SLC7A14: variants seen among roughly 807,000 people sequenced by gnomAD.
The protein encoded by SLC7A14 is gamma-aminobutyric acid transporter SLC7A14.
SLC7A14 carries 37 observed loss-of-function variants against 60.2 expected under a neutral mutation model. That is an observed-to-expected ratio of 0.61 (90% CI 0.47 to 0.81). The LOEUF (loss-of-function observed/expected upper bound fraction) is 0.81. Ranked by LOEUF, SLC7A14 falls within the 30% of genes least tolerant of loss-of-function variation. SLC7A14 has a pLI of 0.00. For synonymous variants in SLC7A14, 399 were observed against 395.8 expected, an observed-to-expected ratio of 1.01 and a Z score of -0.10; for missense variants, 886 against 982.7, an observed-to-expected ratio of 0.90 and a Z score of 1.32.
intron 1 of SLC7A14, among the ~76,000 whole-genome samples, chr3:170,547,816 C>T (rs1714225966): frequency 6.6e-6 from 1 of 152,168 alleles, no homozygotes; most frequent in South Asian, 2.1e-4. Flanking sequence ...TAAAGAGCTG[C>T]AGGATTGTTC....
intron 1 of SLC7A14, among the ~76,000 whole-genome samples, chr3:170,571,137 C>T (rs766959450): frequency 5.3e-5 from 8 of 152,202 alleles, no homozygotes; most frequent in Non-Finnish European, 1.2e-4. Context: ...TTCAAAACCC[C>T]CATTCTGCTT....
rs765316559 is a variant in SLC7A14, at chr3:170,498,855, G to A, written c.571C>T (p.Leu191=). The A allele has an allele frequency of 6.2e-7, 1 of 1,614,188 alleles. No individual in the cohort carries two copies. Among genetic ancestry groups the A allele is most frequent in the Admixed American group, 1.7e-5 (1 of 60,026 alleles). The change falls in exon 4 of 8, where the codon CTG becomes TTG. Residue 191 remains leucine (L), a synonymous_variant. Transcript: ENST00000231706. The part of the protein sequence containing the change: ...GKGEESYPDL[L]ALLIAVIVTI... ...ACGATGACCGCGATCAACAGAGCCA[G>A]AAGGTCTGGGTATGATTCTTCACCT...
At chr3:170,497,940 A>T (rs2108278598) in intron 4 of SLC7A14, among the ~76,000 whole-genome samples, 1 of 152,342 alleles carries the variant, frequency 6.6e-6, no homozygotes, top group Non-Finnish European at 1.5e-5. Flanking sequence ...GCCTGTTATG[A>T]ACTATGCCTT....
chr3:170,577,420 C>A (rs574095188), intron 1 of SLC7A14, among the ~76,000 whole-genome samples: 1 of 151,668 alleles, frequency 6.6e-6, no homozygotes, highest in African/African-American at 2.4e-5. Context: ...AGATCGAGAC[C>A]ATCCTGGCTA....
At chr3:170,572,078 A>AAAAAAG (rs1553875362) in intron 1 of SLC7A14, among the ~76,000 whole-genome samples, 2 of 149,936 alleles carry the variant, frequency 1.3e-5, no homozygotes, top group African/African-American at 5.0e-5. Context: ...AAAAAAAAAA[A>AAAAAAG]AAAGAAAGAA....
chr3:170,517,191 A>G (rs1432631359), intron 2 of SLC7A14, among the ~76,000 whole-genome samples: 1 of 152,260 alleles, frequency 6.6e-6, no homozygotes, highest in African/African-American at 2.4e-5. Flanking sequence ...AACATTTATC[A>G]TGTGCTTGCT....
intron 1 of SLC7A14, among the ~76,000 whole-genome samples, chr3:170,561,957 G>T: frequency 6.6e-6 from 1 of 152,128 alleles, no homozygotes; most frequent in Admixed American, 6.5e-5. Flanking sequence ...TCTCACTCCT[G>T]CAAGAATGGC....
intron 5 of SLC7A14, among the ~76,000 whole-genome samples, chr3:170,484,870 T>C (rs1054422576): frequency 1.5e-4 from 23 of 152,164 alleles, no homozygotes; most frequent in African/African-American, 5.3e-4. Flanking sequence ...GAGAGTGGGA[T>C]TGAGCCTCCT....
Position 170,467,279 on chromosome 3 carries a change from C to G in SLC7A14, c.2092G>C (p.Val698Leu). The change falls in exon 8 of 8, where the codon GTG becomes CTG. Residue 698 changes from valine to leucine, a missense_variant. Val to Leu is a conservative substitution (Grantham distance 32). Transcript: ENST00000231706. ...TCCTCCACTGAGAAGGGGTCATCCA[C>G]GTCGTAGCGTTGGTACGTGCTTTGG... ...LHQSTYQRYDVDDPFSVEEGF... is the reference protein window; with the variant it reads ...LHQSTYQRYDLDDPFSVEEGF... 1 of 1,614,254 alleles carries G rather than the reference C, an allele frequency of 6.2e-7. No individual in the cohort carries two copies. Among genetic ancestry groups the G allele is most frequent in the South Asian group, 1.1e-5 (1 of 91,084 alleles).
At chr3:170,473,220 A>C (rs541850298) in intron 7 of SLC7A14, among the ~76,000 whole-genome samples, 4 of 152,196 alleles carry the variant, frequency 2.6e-5, no homozygotes, top group Non-Finnish European at 5.9e-5. Context: ...AAAATTAAGC[A>C]AATGACCCCA....
intron 1 of SLC7A14, among the ~76,000 whole-genome samples, chr3:170,564,339 G>T: frequency 6.6e-6 from 1 of 152,202 alleles, no homozygotes; most frequent in South Asian, 2.1e-4. Flanking sequence ...TCCCTTGCTC[G>T]CTGAGGAGGC....
At chr3:170,499,943 T>C (rs759512522) in intron 3 of SLC7A14, among the ~76,000 whole-genome samples, 9 of 152,326 alleles carry the variant, frequency 5.9e-5, no homozygotes, top group Admixed American at 5.9e-4. Context: ...ATGCAATCAG[T>C]ACACAGAACA....
chr3:170,517,512 G>T (rs1227179346), intron 2 of SLC7A14, among the ~76,000 whole-genome samples: 1 of 152,188 alleles, frequency 6.6e-6, no homozygotes, highest in Non-Finnish European at 1.5e-5. Context: ...ACCTCTCAAG[G>T]CTGTCTTCAA....
Position 170,511,535 on chromosome 3 carries a change from C to A in SLC7A14, c.305-10190G>T, listed in dbSNP as rs191985554. Among the ~76,000 whole-genome samples, 3 of 152,156 alleles carry A rather than the reference C, an allele frequency of 2.0e-5. No homozygotes were observed. In the South Asian group the frequency reaches 6.2e-4, roughly 32 times the overall value. The stretch of plus-strand genomic sequence containing the variant: ...TACTATGCAGGTTGTTATGAGTCAT[C>A]GAAGGACAGGTGTTACAGTTCCTGA... On this transcript the variant is annotated intron_variant, in intron 2 of 7. Coordinates refer to ENST00000231706, the MANE Select transcript of SLC7A14 (RefSeq NM_020949.3).
At chr3:170,521,800 A>G (rs1002110210) in intron 2 of SLC7A14, among the ~76,000 whole-genome samples, 1 of 152,172 alleles carries the variant, frequency 6.6e-6, no homozygotes, top group Non-Finnish European at 1.5e-5. Context: ...ATGCACCTGT[A>G]GTCCCAGCTA....
intron 1 of SLC7A14, among the ~76,000 whole-genome samples, chr3:170,576,815 T>TCTCCTC (rs1715104442): frequency 6.6e-6 from 1 of 152,124 alleles, no homozygotes; most frequent in East Asian, 1.9e-4. Flanking sequence ...CCACCAAAAG[T>TCTCCTC]CAGTAGTAAC....
rs1268940657 is a variant in SLC7A14 at position 170,464,565 on chromosome 3, A to T, written c.*2490T>A. The T allele has an allele frequency of 4.6e-5, 7 of 151,526 alleles. No individual in the cohort carries two copies. Among genetic ancestry groups the T allele is most frequent in the Non-Finnish European group, 1.0e-4 (7 of 67,944 alleles). The allele number at this position is 151,526 out of a possible 1,614,324, so 9.4% of individuals were successfully genotyped here. A position where few individuals can be genotyped will look rare whatever the true frequency, so the allele number is the denominator to read the frequency against. On this transcript the variant is annotated 3_prime_UTR_variant, in exon 8 of 8. Coordinates refer to ENST00000231706, the MANE Select transcript of SLC7A14 (RefSeq NM_020949.3). ...TTTCTATCTTAGTGATTTTTTTTTT[A>T]AAACTAAGGTTGCTAGGGAGGTGAT...
chr3:170,552,592 A>G (rs1370108385), intron 1 of SLC7A14, among the ~76,000 whole-genome samples: 11 of 152,324 alleles, frequency 7.2e-5, no homozygotes, highest in African/African-American at 2.4e-4. Flanking sequence ...TACATCTAAC[A>G]TTATTAGCCT....
At chr3:170,476,495 G>A (rs1244602994) in intron 7 of SLC7A14, among the ~76,000 whole-genome samples, 2 of 152,188 alleles carry the variant, frequency 1.3e-5, no homozygotes, top group African/African-American at 4.8e-5. Context: ...TTTCTGGAGG[G>A]AGTTTGGAGT....
Sources: allele counts gnomAD v4.1 joint callset (sites outside exome capture counted in the v4.1 genomes callset), GRCh38; gene constraint gnomAD v4.1.1; transcripts MANE v1.5; gene names NCBI Gene and HGNC (gene_info 2026-07-23, HGNC 2026-07-21).